The following SOD2 variants were observed in gnomAD, a reference collection of about 807,000 sequenced individuals.
The protein encoded by SOD2 is superoxide dismutase [Mn], mitochondrial.
In SOD2, 11 loss-of-function variants were observed where a neutral mutation model predicts 27.0. The observed-to-expected ratio is 0.41, with a 90% confidence interval of 0.26 to 0.67. The LOEUF (loss-of-function observed/expected upper bound fraction) is 0.67. SOD2 is among the 30% of genes least tolerant of loss of function. The probability of loss-of-function intolerance (pLI) is 0.34; values close to 1 mark genes in which losing one functional copy is unlikely to be tolerated. For missense variants in SOD2, 250 were observed against 274.5 expected, an observed-to-expected ratio of 0.91 and a Z score of 0.63; for synonymous variants, 105 against 103.0, an observed-to-expected ratio of 1.02 and a Z score of -0.12.
chr6:159,738,042 CAG>C (rs1265524122), intron 1 of SOD2, among the ~76,000 whole-genome samples: 7 of 152,168 alleles, frequency 4.6e-5, no homozygotes, highest in Non-Finnish European at 8.8e-5. Context: ...CTGTGAAAAT[CAG>C]GGAATTGACA....
At chr6:159,689,192 T>C (rs1780332350) in intron 2 of SOD2, among the ~76,000 whole-genome samples, 1 of 152,230 alleles carries the variant, frequency 6.6e-6, no homozygotes, top group East Asian at 1.9e-4. Context: ...CCAACTTGGA[T>C]GTTCCCCTCA....
At chr6:159,720,823 A>C (rs113600896) in intron 1 of SOD2, among the ~76,000 whole-genome samples, 2,690 of 143,614 alleles carry the variant, frequency 0.019, 94 homozygotes, top group African/African-American at 0.065. Context: ...AGATGGCTCC[A>C]CTATACAGGT....
At chr6:159,726,375 C>G (rs1358142382) in intron 1 of SOD2, 1 of 158,096 alleles carries the variant, frequency 6.3e-6, no homozygotes, top group Admixed American at 6.0e-5. Context: ...CCAGACCGAT[C>G]TGATTCACTG....
intron 4 of SOD2, among the ~76,000 whole-genome samples, chr6:159,684,351 C>T (rs1780088416): frequency 6.6e-6 from 1 of 151,770 alleles, no homozygotes. Context: ...GGCATGGTGG[C>T]TCATGCCTGT....
At chr6:159,744,570 TC>T (rs1018938931) in intron 1 of SOD2, among the ~76,000 whole-genome samples, 5 of 152,246 alleles carry the variant, frequency 3.3e-5, no homozygotes, top group African/African-American at 1.2e-4. Context: ...TAAGGTTCAG[TC>T]ACAGTCCTTT....
chr6:159,725,851 TTAAA>T (rs1260848990), intron 1 of SOD2: 2 of 152,188 alleles, frequency 1.3e-5, no homozygotes, highest in African/African-American at 2.4e-5. Context: ...CTTACTACAC[TTAAA>T]TATTTAAGTG....
In SOD2 at chr6:159,678,219, C is replaced by T. The variant is rs1316409207; in HGVS notation, c.*4274G>A. The stretch of plus-strand genomic sequence containing the variant: ...GCATCTCTTCCATCTGGCTGTTCAT[C>T]TGTATTCTTTGAAATATCCTTTACA... On this transcript the variant is annotated 3_prime_UTR_variant, in exon 5 of 5. Transcript: ENST00000538183. The T allele has an allele frequency of 6.6e-6, 1 of 152,252 alleles. No individual in the cohort carries two copies. The highest frequency in any genetic ancestry group is 6.5e-5 in the Admixed American group (1 of 15,270). 9.4% of individuals were successfully genotyped at this position (152,252 alleles called of 1,614,324 possible).
intron 1 of SOD2, among the ~76,000 whole-genome samples, chr6:159,705,942 AAG>A (rs1242965376): frequency 1.3e-5 from 2 of 152,236 alleles, no homozygotes; most frequent in Non-Finnish European, 2.9e-5. Flanking sequence ...TACAAGCCAG[AAG>A]AGAGTGGGGG....
chr6:159,731,366 G>T (rs1778560120), upstream of SOD2, among the ~76,000 whole-genome samples: 1 of 151,964 alleles, frequency 6.6e-6, no homozygotes, highest in Non-Finnish European at 1.5e-5. Context: ...TACAAAGGAG[G>T]CTGAGGCAAG....
chr6:159,734,846 C>CT (rs369064240), intron 1 of SOD2, among the ~76,000 whole-genome samples: 44 of 151,994 alleles, frequency 2.9e-4, no homozygotes, highest in African/African-American at 8.2e-4. Flanking sequence ...ATGTCGTATA[C>CT]TTTTTTTTCC....
At chr6:159,740,075 C>T (rs1779158379) in intron 1 of SOD2, among the ~76,000 whole-genome samples, 1 of 151,808 alleles carries the variant, frequency 6.6e-6, no homozygotes, top group Admixed American at 6.6e-5. Flanking sequence ...GAATGCCTGG[C>T]CTGAAGTGAT....
intron 1 of SOD2, 49 bp from the exon 2 acceptor site, chr6:159,692,912 T>C: frequency 6.7e-7 from 1 of 1,484,402 alleles, no homozygotes; most frequent in Non-Finnish European, 9.0e-7. Flanking sequence ...CGGGACCGTC[T>C]ACGCAGGCTG....
exon 1 of SOD2, chr6:159,727,275 C>T (rs1213018010): frequency 2.3e-6 from 3 of 1,282,924 alleles, no homozygotes; most frequent in South Asian, 1.2e-5. Flanking sequence ...CCTTTCCTCT[C>T]CTGGCGGGGT....
Position 159,711,570 on chromosome 6 carries a change from CACCACTCACACTGCTCTG to C in SOD2, c.-116+15541_-116+15558del, listed in dbSNP as rs1288982949. Reference sequence around the variant, plus strand: ...TGATCACCATAACCACCTCCACAACCACCACTCACACTGCTCTGACCACCATAACCACCTCCATAACCA... The same window carrying C: ...TGATCACCATAACCACCTCCACAACCACCACCATAACCACCTCCATAACCA... On this transcript the variant is annotated intron_variant, in intron 1 of 2. Transcript: ENST00000401980. Among the ~76,000 whole-genome samples, 179 of 98,354 alleles carry C rather than the reference CACCACTCACACTGCTCTG, an allele frequency of 1.8e-3. 5 individuals carry two copies. Among genetic ancestry groups the C allele is most frequent in the African/African-American group, 5.3e-3 (127 of 23,984 alleles). 64.5% of individuals were successfully genotyped at this position (98,354 alleles called of 152,430 possible).
At chr6:159,689,419 C>A (rs1780346522) in intron 2 of SOD2, among the ~76,000 whole-genome samples, 1 of 152,188 alleles carries the variant, frequency 6.6e-6, no homozygotes, top group Non-Finnish European at 1.5e-5. Context: ...TGCATGGGTA[C>A]CTTGCCAAAT....
At chr6:159,687,668 T>C (rs545549880) in intron 3 of SOD2, among the ~76,000 whole-genome samples, 1 of 152,270 alleles carries the variant, frequency 6.6e-6, no homozygotes, top group African/African-American at 2.4e-5. Flanking sequence ...ACTTTTATCA[T>C]ACTCGTTGTT....
chr6:159,676,418 T>C lies in SOD2; in HGVS notation c.*6075A>G, dbSNP rs937078158. ...TACACCATGGAATACTATGCAGCCA[T>C]AAAAAAGGAAGAGTTCATGTCCTTT... is the stretch of plus-strand genomic sequence containing the variant. On this transcript the variant is annotated 3_prime_UTR_variant, in exon 5 of 5. Transcript: ENST00000538183. The C allele has an allele frequency of 6.6e-6, 1 of 152,052 alleles. No homozygotes were observed. Among genetic ancestry groups the C allele is most frequent in the African/African-American group, 2.4e-5 (1 of 41,400 alleles). The allele number at this position is 152,052 out of a possible 1,614,324, so 9.4% of individuals were successfully genotyped here.
rs932837643 is a variant in SOD2 at position 159,669,931 on chromosome 6, A to G, written c.*12562T>C. On this transcript the variant is annotated 3_prime_UTR_variant, in exon 5 of 5. Coordinates refer to ENST00000538183, the MANE Select transcript of SOD2 (RefSeq NM_000636.4). Reference sequence around the variant, plus strand: ...CAATCTATATCTTTTAAGTGGGAGAATTTAATCCATTTACATTCAAAGTTA... The same window carrying G: ...CAATCTATATCTTTTAAGTGGGAGAGTTTAATCCATTTACATTCAAAGTTA... The G allele has an allele frequency of 9.9e-5, 15 of 152,196 alleles. No individual in the cohort carries two copies. The highest frequency in any genetic ancestry group is 3.6e-4 in the African/African-American group (15 of 41,450). The allele number at this position is 152,196 out of a possible 1,614,324, so 9.4% of individuals were successfully genotyped here.
chr6:159,741,807 G>T (rs1459027901), intron 1 of SOD2: 1 of 269,834 alleles, frequency 3.7e-6, no homozygotes, highest in Non-Finnish European at 7.1e-6. Flanking sequence ...GGGCAACGTA[G>T]TGAGACCCCA....
Sources: gnomAD v4.1 joint callset for allele counts (sites outside exome capture counted in the v4.1 genomes callset) on GRCh38, gnomAD v4.1.1 for gene constraint, MANE v1.5 for transcripts, NCBI Gene and HGNC (gene_info 2026-07-23, HGNC 2026-07-21) for gene names.